CAMSAP1: variants seen among roughly 807,000 people sequenced by gnomAD.
CAMSAP1 encodes calmodulin-regulated spectrin-associated protein 1.
A neutral mutation model predicts 143.5 loss-of-function variants in CAMSAP1; 58 were observed. The ratio of observed to expected loss-of-function variants is 0.40; its 90% CI spans 0.33 to 0.50. The LOEUF (loss-of-function observed/expected upper bound fraction) is 0.50, where lower values mean the gene tolerates loss of function less well. Ranked by LOEUF, CAMSAP1 falls within the 20% of genes least tolerant of loss-of-function variation. CAMSAP1 has a pLI of 0.45. For synonymous variants in CAMSAP1, 945 were observed against 859.3 expected (o/e 1.10, Z -1.74); for missense variants, 1,969 against 2,115.7 (o/e 0.93, Z 1.36).
intron 3 of CAMSAP1, among the ~76,000 whole-genome samples, chr9:135,878,391 G>A (rs1303216896): frequency 7.9e-6 from 1 of 127,000 alleles, no homozygotes; most frequent in Admixed American, 7.2e-5. Context: ...ACCCAAGGAG[G>A]GATTACCCAG....
intron 4 of CAMSAP1, among the ~76,000 whole-genome samples, chr9:135,863,376 A>C (rs966052124): frequency 4.6e-5 from 7 of 152,200 alleles, no homozygotes; most frequent in Non-Finnish European, 7.3e-5. Context: ...CCCCACTGCC[A>C]AACAGCCTGC....
rs2131668970 is a variant in CAMSAP1, at chr9:135,824,667, A to G, written c.1315+122T>C. 2 of 760,516 alleles carry G rather than the reference A, an allele frequency of 2.6e-6. No individual in the cohort carries two copies. The highest frequency in any genetic ancestry group is 3.0e-5 in the East Asian group (1 of 33,412). The allele number at this position is 760,516 out of a possible 1,614,324, so 47.1% of individuals were successfully genotyped here. The stretch of plus-strand genomic sequence containing the variant: ...TGACAGAGCAAGACTCCATCTCAAA[A>G]AACAAACAAACAAACAAAAAAATCA... On this transcript the variant is annotated intron_variant, in intron 9 of 16. Coordinates refer to ENST00000389532, the MANE Select transcript of CAMSAP1 (RefSeq NM_015447.4). This position sits in a 1 kb window ranked among gnomAD's most constrained non-coding sequence, Gnocchi z 4.1.
intron 7 of CAMSAP1, among the ~76,000 whole-genome samples, chr9:135,839,807 G>C (rs947633265): frequency 2.8e-4 from 43 of 152,012 alleles, no homozygotes; most frequent in African/African-American, 1.0e-3. Context: ...GCAGCCCACC[G>C]AGCCCCTCTC....
In CAMSAP1 at chr9:135,811,396, A is replaced by G. The variant is rs1426996263; in HGVS notation, c.4722T>C (p.Ser1574=). 1 of 1,613,056 alleles carries G rather than the reference A, an allele frequency of 6.2e-7. No homozygotes were observed. The highest frequency in any genetic ancestry group is 2.2e-5 in the East Asian group (1 of 44,870). ...GGATTGTGAGTGCGTCCACACTGAC[A>G]GACATGGTTTTGGCTGGGATCAAGT... The part of the protein sequence containing the change: ...QFNLIPAKTM[S]VSVDALTIHN... The change falls in exon 17 of 17, where the codon TCT becomes TCC. Residue 1574 remains serine (S), a synonymous_variant. Transcript: ENST00000389532. This position sits in a 1 kb window ranked among gnomAD's most constrained non-coding sequence, Gnocchi z 4.9.
At chr9:135,903,699 G>A (rs879848774) in intron 1 of CAMSAP1, among the ~76,000 whole-genome samples, 1 of 152,214 alleles carries the variant, frequency 6.6e-6, no homozygotes, top group African/African-American at 2.4e-5. Flanking sequence ...CCTTTAACAA[G>A]TTAAATATTG....
At chr9:135,901,068 T>C (rs1044716145) in intron 1 of CAMSAP1, among the ~76,000 whole-genome samples, 1 of 152,206 alleles carries the variant, frequency 6.6e-6, no homozygotes, top group Non-Finnish European at 1.5e-5. Context: ...AGATCTTTTC[T>C]GTAGTGACAA....
At chr9:135,874,311 A>T (rs1176501227) in intron 3 of CAMSAP1, among the ~76,000 whole-genome samples, 1 of 152,010 alleles carries the variant, frequency 6.6e-6, no homozygotes, top group East Asian at 1.9e-4. Flanking sequence ...CCTCTACAAA[A>T]ATTTTTTTTT....
intron 3 of CAMSAP1, among the ~76,000 whole-genome samples, chr9:135,881,148 G>A (rs186426054): frequency 2.0e-5 from 3 of 152,026 alleles, no homozygotes; most frequent in Admixed American, 2.0e-4. Flanking sequence ...TTCGAGACCA[G>A]CCTGGGCAAC....
In CAMSAP1 at chr9:135,809,871, C is replaced by T. The variant is rs1330575633; in HGVS notation, c.*1438G>A. On this transcript the variant is annotated 3_prime_UTR_variant, in exon 17 of 17. Coordinates refer to ENST00000389532, the MANE Select transcript of CAMSAP1 (RefSeq NM_015447.4). The stretch of plus-strand genomic sequence containing the variant: ...GAATAAGACCTATAATTCCTTCTAG[C>T]CTTCTGTACCATGTTCCCTCCTTAT... 4.6e-5 allele frequency: 7 copies of T among 152,554 alleles called. No individual in the cohort carries two copies. The highest frequency in any genetic ancestry group is 4.6e-4 in the Admixed American group (7 of 15,282). 9.5% of individuals were successfully genotyped at this position (152,554 alleles called of 1,614,324 possible). A position where few individuals can be genotyped will look rare whatever the true frequency, so the allele number is the denominator to read the frequency against.
intron 1 of CAMSAP1, among the ~76,000 whole-genome samples, chr9:135,884,614 C>T (rs749971249): frequency 2.0e-5 from 3 of 152,210 alleles, no homozygotes; most frequent in Non-Finnish European, 4.4e-5. Context: ...TGGATGTTAA[C>T]AGACTCAAAT....
At chr9:135,835,500 T>C (rs1835994191) in intron 7 of CAMSAP1, among the ~76,000 whole-genome samples, 1 of 151,948 alleles carries the variant, frequency 6.6e-6, no homozygotes, top group South Asian at 2.1e-4. Context: ...GTCAGCAGAG[T>C]CACAGAATTG....
rs1315130025 is a variant in CAMSAP1 at position 135,810,295 on chromosome 9, C to CT, written c.*1013dup. 7 of 152,362 alleles carry CT rather than the reference C, an allele frequency of 4.6e-5. No individual in the cohort carries two copies. In the East Asian group the frequency reaches 1.3e-3, roughly 29 times the overall value. 9.4% of individuals were successfully genotyped at this position (152,362 alleles called of 1,614,324 possible). ...TCTACAGGGGAAACGGCACGCTCCT[C>CT]TGAGAGCATGCAGCGCTTCCAGATG... is the stretch of plus-strand genomic sequence containing the variant. On this transcript the variant is annotated 3_prime_UTR_variant, in exon 17 of 17. Transcript: ENST00000389532.
intron 3 of CAMSAP1, among the ~76,000 whole-genome samples, chr9:135,879,028 A>T (rs763964216): frequency 1.1e-4 from 17 of 152,218 alleles, no homozygotes; most frequent in Non-Finnish European, 1.9e-4. Context: ...GCGCCTGACC[A>T]CAGGAACATC....
chr9:135,883,163 G>A (rs1838014429), intron 1 of CAMSAP1, 85 bp from the exon 2 acceptor site: 1 of 1,432,648 alleles, frequency 7.0e-7, no homozygotes. Flanking sequence ...CTATGACTGT[G>A]CCACTGTACT....
At chr9:135,871,574 TATTTTTAAACTTTCTG>T (rs1440157396) in intron 3 of CAMSAP1, among the ~76,000 whole-genome samples, 2 of 152,214 alleles carry the variant, frequency 1.3e-5, no homozygotes, top group Non-Finnish European at 2.9e-5. Flanking sequence ...TTTAAATAAA[TATTTTTAAACTTTCTG>T]ATTTTTAACT....
At chr9:135,860,797 C>T (rs1011620618) in intron 5 of CAMSAP1, among the ~76,000 whole-genome samples, 1 of 152,062 alleles carries the variant, frequency 6.6e-6, no homozygotes, top group African/African-American at 2.4e-5. Context: ...GCTTTCCCTG[C>T]GTGGTTTCTG....
Position 135,859,651 on chromosome 9 carries a change from C to G in CAMSAP1, c.808+2816G>C, listed in dbSNP as rs185324531. The stretch of plus-strand genomic sequence containing the variant: ...TCGTGATCTACCCACCTCGGCCTCC[C>G]AAAGTGCTGGGATTACAGGGGTGAG... On this transcript the variant is annotated intron_variant, in intron 5 of 16. Transcript: ENST00000389532. 5.2e-3 allele frequency among the ~76,000 whole-genome samples: 790 copies of G among 152,046 alleles called. 12 individuals are homozygous for G. Among genetic ancestry groups the G allele is most frequent in the South Asian group, 0.03 (144 of 4,796 alleles).
chr9:135,827,495 C>A lies in CAMSAP1; in HGVS notation c.1135G>T (p.Gly379Trp), dbSNP rs1164269245. ...GGGGGCTGCAGCTCAGCCAGGGTCC[C>A]TGCAGCAGGGCTGCCTAGGAAACTG... ...KRSFLGSPAA[G>W]TLAELQPPVQ... Residue 379 changes from glycine (G) to tryptophan (W), a missense_variant, in exon 8 of 17, where the codon GGG becomes TGG. Gly to Trp is a radical substitution (Grantham distance 184, BLOSUM62 -2). Transcript: ENST00000389532. 1.2e-6 allele frequency: 2 copies of A among 1,612,832 alleles called. No individual in the cohort carries two copies. The highest frequency in any genetic ancestry group is 2.2e-5 in the South Asian group (2 of 91,028).
In CAMSAP1 at chr9:135,815,152, G is replaced by A; in HGVS notation, c.4451C>T (p.Ser1484Phe). 6.2e-7 allele frequency: 1 copy of A among 1,613,940 alleles called. No homozygotes were observed. The highest frequency in any genetic ancestry group is 8.5e-7 in the Non-Finnish European group (1 of 1,179,866). The change falls in exon 16 of 17, where the codon TCC becomes TTC. Residue 1484 changes from serine to phenylalanine, a missense_variant. Coordinates refer to ENST00000389532, the MANE Select transcript of CAMSAP1 (RefSeq NM_015447.4). ...SNKPIIHNAISHCCLAGKVNE... is the reference protein window; with the variant it reads ...SNKPIIHNAIFHCCLAGKVNE... The stretch of plus-strand genomic sequence containing the variant: ...CACTTTTCCAGCCAGGCAGCAATGG[G>A]ATATGGCATTGTGAATAATCGGCTT...
Sources: gnomAD v4.1 joint callset for allele counts (sites outside exome capture counted in the v4.1 genomes callset) on GRCh38, gnomAD v4.1.1 for gene constraint, Gnocchi (gnomAD v3.1) non-coding constraint, MANE v1.5 for transcripts, NCBI Gene and HGNC (gene_info 2026-07-23, HGNC 2026-07-21) for gene names.